The following FRMD5 variants were observed in gnomAD, a reference collection of about 807,000 sequenced individuals.
FRMD5 encodes the protein FERM domain containing 5, also known as FERM domain-containing protein 5.
A neutral mutation model predicts 69.0 loss-of-function variants in FRMD5; 20 were observed. That is an observed-to-expected ratio of 0.29 (90% CI 0.20 to 0.42). The LOEUF is 0.42. Among genes scored for constraint, FRMD5 ranks in the 10% least tolerant of loss-of-function variants. The pLI, the probability that FRMD5 is intolerant of heterozygous loss-of-function variation, is 1.00. For missense variants in FRMD5, 595 were observed against 708.6 expected (o/e 0.84, Z 1.82); for synonymous variants, 271 against 260.1 (o/e 1.04, Z -0.40).
At chr15:44,086,351 T>C (rs1165153071) in intron 1 of FRMD5, among the ~76,000 whole-genome samples, 1 of 152,218 alleles carries the variant, frequency 6.6e-6, no homozygotes, top group Non-Finnish European at 1.5e-5. Flanking sequence ...AAATGTGGTA[T>C]ATTCATGCAA....
At chr15:44,037,897 T>C (rs1891994073) in intron 1 of FRMD5, among the ~76,000 whole-genome samples, 2 of 152,196 alleles carry the variant, frequency 1.3e-5, no homozygotes. Context: ...TCCACAATGG[T>C]TGAACTAATT....
intron 5 of FRMD5, among the ~76,000 whole-genome samples, chr15:43,907,955 T>C (rs1406168412): frequency 1.3e-5 from 2 of 152,330 alleles, no homozygotes; most frequent in South Asian, 2.1e-4. Flanking sequence ...GTCATTTATA[T>C]TGATTTTATT....
At chr15:44,041,310 G>A (rs1482774314) in intron 1 of FRMD5, among the ~76,000 whole-genome samples, 1 of 152,080 alleles carries the variant, frequency 6.6e-6, no homozygotes, top group Non-Finnish European at 1.5e-5. Flanking sequence ...AATTAACAAG[G>A]ATATCCAGGA....
chr15:44,126,557 C>T (rs2077027045), intron 1 of FRMD5, among the ~76,000 whole-genome samples: 2 of 152,122 alleles, frequency 1.3e-5, no homozygotes, highest in South Asian at 4.2e-4. Context: ...TGCCATAAAC[C>T]TTTGCAGAAA....
intron 1 of FRMD5, among the ~76,000 whole-genome samples, chr15:43,932,594 G>A (rs942532683): frequency 6.6e-6 from 1 of 152,082 alleles, no homozygotes; most frequent in Non-Finnish European, 1.5e-5. Flanking sequence ...ACCTTTTAAT[G>A]CCTTGGCTTT....
chr15:43,988,186 T>C (rs1889489532), intron 1 of FRMD5, among the ~76,000 whole-genome samples: 1 of 152,178 alleles, frequency 6.6e-6, no homozygotes, highest in Non-Finnish European at 1.5e-5. Context: ...CCTCCTGCTG[T>C]GTGGCCTGGT....
At chr15:44,003,388 C>T (rs1195190252) in intron 1 of FRMD5, among the ~76,000 whole-genome samples, 1 of 152,136 alleles carries the variant, frequency 6.6e-6, no homozygotes, top group African/African-American at 2.4e-5. Context: ...CACTTTCAAT[C>T]ACTCCTCTTA....
At chr15:44,010,948 G>A (rs751888476) in intron 1 of FRMD5, among the ~76,000 whole-genome samples, 4 of 152,194 alleles carry the variant, frequency 2.6e-5, no homozygotes, top group Middle Eastern at 6.8e-3. Context: ...GAGAACTAGG[G>A]TGAACAAGAT....
At chr15:43,875,084 G>C (rs1175844495) in intron 13 of FRMD5, among the ~76,000 whole-genome samples, 1 of 152,034 alleles carries the variant, frequency 6.6e-6, no homozygotes, top group Non-Finnish European at 1.5e-5. Flanking sequence ...TGTAATCCCA[G>C]CTACTCAGGA....
intron 1 of FRMD5, among the ~76,000 whole-genome samples, chr15:44,122,392 GTC>G (rs1167271131): frequency 1.3e-5 from 2 of 151,834 alleles, no homozygotes; most frequent in Admixed American, 1.3e-4. Context: ...GCAAAACCTT[GTC>G]TCTACGAAAA....
At chr15:43,893,360 G>A (rs1389087535) in intron 7 of FRMD5, among the ~76,000 whole-genome samples, 1 of 152,180 alleles carries the variant, frequency 6.6e-6, no homozygotes, top group African/African-American at 2.4e-5. Flanking sequence ...CCATCAGTCA[G>A]TAAACACCAG....
At chr15:43,969,685 A>T (rs2090346942) in intron 1 of FRMD5, among the ~76,000 whole-genome samples, 1 of 152,214 alleles carries the variant, frequency 6.6e-6, no homozygotes, top group Admixed American at 6.5e-5. Flanking sequence ...TTAGCCAATA[A>T]ATAACAGCCC....
intron 1 of FRMD5, among the ~76,000 whole-genome samples, chr15:43,975,774 C>G (rs1416166239): frequency 6.6e-6 from 1 of 152,040 alleles, no homozygotes; most frequent in African/African-American, 2.4e-5. Context: ...CAAATGAATT[C>G]TAAAATTCAT....
intron 1 of FRMD5, among the ~76,000 whole-genome samples, chr15:44,112,338 CTGT>C (rs2076808554): frequency 6.6e-6 from 1 of 152,156 alleles, no homozygotes; most frequent in South Asian, 2.1e-4. Context: ...CCTGAAGGGA[CTGT>C]TAAGAACTCC....
chr15:43,999,929 A>G lies in FRMD5; in HGVS notation c.103-75620T>C, dbSNP rs1241188228. Among the ~76,000 whole-genome samples the G allele has an allele frequency of 9.7e-3, 1,344 of 137,862 alleles. 44 individuals carry two copies. The highest frequency in any genetic ancestry group is 0.034 in the African/African-American group (1,106 of 32,670). The allele number at this position is 137,862 out of a possible 152,430, so 90.4% of individuals were successfully genotyped here. ...TATATTTGTGTGTGTGTATGTATATATATATATATATATATATGCCATGCA... is the reference window on the plus strand; with the variant it reads ...TATATTTGTGTGTGTGTATGTATATGTATATATATATATATATGCCATGCA... On this transcript the variant is annotated intron_variant, in intron 1 of 13. Transcript: ENST00000417257.
intron 10 of FRMD5, among the ~76,000 whole-genome samples, chr15:43,887,076 G>A (rs934176651): frequency 2.0e-5 from 3 of 152,222 alleles, no homozygotes; most frequent in Admixed American, 6.5e-5. Context: ...CTTAAGAAAT[G>A]CTGCTGAAGG....
Position 44,195,057 on chromosome 15 carries a change from T to G in FRMD5, c.-3A>C, listed in dbSNP as rs1406722150. On this transcript the variant is annotated 5_prime_UTR_variant, in exon 1 of 14. Coordinates refer to ENST00000417257, the MANE Select transcript of FRMD5 (RefSeq NM_032892.5). ...CCGCTCATCAACCTGCTCAGCATCTTCCCGCCCGCCCGCCCGGGAGCGACG... is the reference window on the plus strand; with the variant it reads ...CCGCTCATCAACCTGCTCAGCATCTGCCCGCCCGCCCGCCCGGGAGCGACG... The G allele has an allele frequency of 2.0e-6, 3 of 1,474,376 alleles. No individual in the cohort carries two copies. The highest frequency in any genetic ancestry group is 1.4e-5 in the African/African-American group (1 of 69,128). The allele number at this position is 1,474,376 out of a possible 1,614,324, so 91.3% of individuals were successfully genotyped here.
At chr15:43,941,938 T>A (rs1566849812) in intron 1 of FRMD5, among the ~76,000 whole-genome samples, 2 of 152,216 alleles carry the variant, frequency 1.3e-5, no homozygotes, top group African/African-American at 4.8e-5. Context: ...ATTCAAGAAA[T>A]ATATTAAGAG....
chr15:43,907,207 G>C (rs968530438), intron 5 of FRMD5, among the ~76,000 whole-genome samples: 1 of 152,150 alleles, frequency 6.6e-6, no homozygotes, highest in African/African-American at 2.4e-5. Flanking sequence ...TCTTGAGGGA[G>C]GAGAAATATT....
Sources: gnomAD v4.1 joint callset for allele counts (sites outside exome capture counted in the v4.1 genomes callset) on GRCh38, gnomAD v4.1.1 for gene constraint, MANE v1.5 for transcripts, NCBI Gene and HGNC (gene_info 2026-07-23, HGNC 2026-07-21) for gene names.